SLC22A24: variants seen among roughly 807,000 people sequenced by gnomAD.
SLC22A24 encodes the protein solute carrier family 22 member 24, also known as steroid transmembrane transporter SLC22A24.
SLC22A24 carries 53 observed loss-of-function variants against 49.8 expected under a neutral mutation model. The ratio of observed to expected loss-of-function variants is 1.06; its 90% CI spans 0.85 to 1.34. The LOEUF is 1.34. Ranked by LOEUF, SLC22A24 falls within the 40% of genes most tolerant of loss-of-function variation. The probability of loss-of-function intolerance (pLI) is 0.00; values close to 1 mark genes in which losing one functional copy is unlikely to be tolerated. For missense variants in SLC22A24, 786 were observed against 675.9 expected (o/e 1.16, Z -1.81); for synonymous variants, 302 against 256.4 (o/e 1.18, Z -1.70).
intron 4 of SLC22A24, among the ~76,000 whole-genome samples, chr11:63,107,866 A>C (rs1341908066): frequency 6.6e-6 from 1 of 152,140 alleles, no homozygotes; most frequent in African/African-American, 2.4e-5. Flanking sequence ...ATATACAATC[A>C]TGTCATCTGC....
At chr11:63,138,697 G>A (rs1007595023) in intron 1 of SLC22A24, among the ~76,000 whole-genome samples, 2 of 147,554 alleles carry the variant, frequency 1.4e-5, no homozygotes, top group African/African-American at 5.0e-5. Flanking sequence ...TCTCCTTCTG[G>A]GAAAAGCAAT....
intron 2 of SLC22A24, among the ~76,000 whole-genome samples, chr11:63,126,142 G>A (rs995283182): frequency 3.3e-5 from 5 of 152,080 alleles, no homozygotes; most frequent in Non-Finnish European, 5.9e-5. Context: ...TTCTTTTGCT[G>A]TGCAGAAGCT....
chr11:63,103,759 T>G (rs1422054956), intron 5 of SLC22A24, among the ~76,000 whole-genome samples: 1 of 152,178 alleles, frequency 6.6e-6, no homozygotes, highest in Non-Finnish European at 1.5e-5. Flanking sequence ...AATGGGATAT[T>G]TATTGAATTA....
At chr11:63,113,231 T>TATAC (rs2087187439) in intron 4 of SLC22A24, among the ~76,000 whole-genome samples, 1 of 125,238 alleles carries the variant, frequency 8.0e-6, no homozygotes, top group African/African-American at 3.5e-5. Context: ...TATATATACA[T>TATAC]ATATATATAT....
intron 4 of SLC22A24, among the ~76,000 whole-genome samples, chr11:63,111,415 GA>G (rs1264431004): frequency 6.6e-6 from 1 of 151,848 alleles, no homozygotes; most frequent in Non-Finnish European, 1.5e-5. Context: ...AATAGTTTCA[GA>G]AGGAAAGGTA....
intron 2 of SLC22A24, among the ~76,000 whole-genome samples, chr11:63,122,161 G>GA (rs1218666481): frequency 1.3e-5 from 2 of 152,116 alleles, no homozygotes; most frequent in Admixed American, 1.3e-4. Context: ...CCTATTGGAA[G>GA]AAAGCATTTC....
At chr11:63,120,921 A>G (rs2087247500) in intron 2 of SLC22A24, among the ~76,000 whole-genome samples, 1 of 152,178 alleles carries the variant, frequency 6.6e-6, no homozygotes, top group East Asian at 1.9e-4. Context: ...TGGAAAACTG[A>G]GAAATAGAAA....
chr11:63,088,371 A>AACATCAACATCAACATCAACAT (rs2086999745), intron 6 of SLC22A24, among the ~76,000 whole-genome samples: 1 of 151,016 alleles, frequency 6.6e-6, no homozygotes, highest in Admixed American at 6.6e-5. Context: ...ACAGAAAGCT[A>AACATCAACATCAACATCAACAT]CAACATCAAC....
At chr11:63,098,599 G>A (rs545050836) in intron 5 of SLC22A24, among the ~76,000 whole-genome samples, 1 of 152,180 alleles carries the variant, frequency 6.6e-6, no homozygotes, top group African/African-American at 2.4e-5. Context: ...GGAGCTGAAG[G>A]TTGCAGTAAG....
intron 5 of SLC22A24, among the ~76,000 whole-genome samples, chr11:63,100,660 A>G (rs2087084936): frequency 6.6e-6 from 1 of 152,158 alleles, no homozygotes; most frequent in South Asian, 2.1e-4. Context: ...TCTAAATTAT[A>G]CTACAGAGCT....
intron 6 of SLC22A24, among the ~76,000 whole-genome samples, chr11:63,087,139 G>A (rs1457419711): frequency 3.3e-5 from 5 of 151,976 alleles, no homozygotes; most frequent in Admixed American, 1.3e-4. Context: ...AAATCAGGGA[G>A]GGGCCAAGAT....
At chr11:63,141,955 G>GTT (rs143630596) in intron 1 of SLC22A24, among the ~76,000 whole-genome samples, 1 of 150,966 alleles carries the variant, frequency 6.6e-6, no homozygotes, top group African/African-American at 2.4e-5. Context: ...TGTTCTTGAT[G>GTT]TTTTTTTTTC....
chr11:63,103,063 T>C (rs1057092812), intron 5 of SLC22A24, among the ~76,000 whole-genome samples: 3 of 152,180 alleles, frequency 2.0e-5, no homozygotes, highest in African/African-American at 4.8e-5. Flanking sequence ...TTTGAGCATA[T>C]GCTATAATGA....
intron 2 of SLC22A24, among the ~76,000 whole-genome samples, chr11:63,126,743 T>C (rs1251453457): frequency 6.6e-6 from 1 of 152,192 alleles, no homozygotes; most frequent in Non-Finnish European, 1.5e-5. Flanking sequence ...TATAAATTAC[T>C]TTGGGAAGTA....
intron 2 of SLC22A24, among the ~76,000 whole-genome samples, chr11:63,128,373 G>C (rs1402355218): frequency 6.9e-6 from 1 of 145,520 alleles, no homozygotes; most frequent in Non-Finnish European, 1.5e-5. Flanking sequence ...CAGTGCCTAG[G>C]AAAAGCACCC....
chr11:63,131,261 C>G (rs78103766), intron 2 of SLC22A24, among the ~76,000 whole-genome samples: 2 of 151,978 alleles, frequency 1.3e-5, no homozygotes, highest in African/African-American at 4.8e-5. Flanking sequence ...TTGATTGGGG[C>G]ATTTAGCCCA....
At chr11:63,139,453 A>T (rs2087399073) in intron 1 of SLC22A24, among the ~76,000 whole-genome samples, 1 of 152,196 alleles carries the variant, frequency 6.6e-6, no homozygotes, top group Non-Finnish European at 1.5e-5. Flanking sequence ...ATAACTAGGT[A>T]GGAAATATAC....
At chr11:63,085,789 G>T (rs1483256296) in intron 6 of SLC22A24, among the ~76,000 whole-genome samples, 1 of 152,208 alleles carries the variant, frequency 6.6e-6, no homozygotes, top group Non-Finnish European at 1.5e-5. Context: ...TGATGGTAAT[G>T]ATAATAACAA....
intron 6 of SLC22A24, among the ~76,000 whole-genome samples, chr11:63,094,480 C>A (rs1031686425): frequency 2.6e-5 from 4 of 152,088 alleles, no homozygotes; most frequent in African/African-American, 7.2e-5. Context: ...ATTTATAATC[C>A]TTTGGGTATA....
Sources: allele counts gnomAD v4.1 joint callset (sites outside exome capture counted in the v4.1 genomes callset), GRCh38; gene constraint gnomAD v4.1.1; transcripts MANE v1.5; gene names NCBI Gene and HGNC (gene_info 2026-07-23, HGNC 2026-07-21).